PCCA: variants seen among roughly 807,000 people sequenced by gnomAD.
PCCA encodes propionyl-CoA carboxylase subunit alpha.
Under a neutral mutation model 101.3 loss-of-function variants are expected in PCCA, and 74 were observed. That is an observed-to-expected ratio of 0.73 (90% CI 0.61 to 0.89). The LOEUF is 0.89. PCCA is among the 40% of genes least tolerant of loss of function. The pLI, the probability that PCCA is intolerant of heterozygous loss-of-function variation, is 0.00. For synonymous variants in PCCA, 294 were observed against 313.6 expected, an observed-to-expected ratio of 0.94 and a Z score of 0.66; for missense variants, 891 against 907.0, an observed-to-expected ratio of 0.98 and a Z score of 0.23.
chr13:100,415,304 C>T (rs946785182), intron 19 of PCCA, among the ~76,000 whole-genome samples: 6 of 151,948 alleles, frequency 3.9e-5, no homozygotes, highest in Admixed American at 1.3e-4. Context: ...CTACTCAACC[C>T]GCTGATGTGG....
intron 19 of PCCA, among the ~76,000 whole-genome samples, chr13:100,408,001 A>C (rs188188214): frequency 6.6e-6 from 1 of 152,086 alleles, no homozygotes; most frequent in East Asian, 1.9e-4. Context: ...AAATACAAAA[A>C]ATTATCTGGG....
intron 20 of PCCA, among the ~76,000 whole-genome samples, chr13:100,445,837 C>T (rs2080787674): frequency 6.6e-6 from 1 of 152,144 alleles, no homozygotes; most frequent in South Asian, 2.1e-4. Context: ...TAGGCTGATT[C>T]CCTGTCTTGG....
rs1299339277 is a variant in PCCA at position 100,109,111 on chromosome 13, A to G, written c.184-2730A>G. Among the ~76,000 whole-genome samples the G allele has an allele frequency of 1.3e-5, 2 of 152,376 alleles. 1 individual carries two copies. Among genetic ancestry groups the G allele is most frequent in the Admixed American group, 1.3e-4 (2 of 15,308 alleles). ...TCATAACAGTCTGGCATGTAGCCCA[A>G]AGGGGTGAAGAACAGTAGCCATAGC... On this transcript the variant is annotated intron_variant, in intron 2 of 23. Transcript: ENST00000376285.
intron 12 of PCCA, among the ~76,000 whole-genome samples, chr13:100,295,407 A>T (rs2065449706): frequency 6.6e-6 from 1 of 152,266 alleles, no homozygotes; most frequent in South Asian, 2.1e-4. Flanking sequence ...AGTTCTGCTT[A>T]CAAAAGATAG....
chr13:100,248,632 T>C (rs992338295), intron 8 of PCCA, among the ~76,000 whole-genome samples: 2 of 152,234 alleles, frequency 1.3e-5, no homozygotes, highest in Non-Finnish European at 2.9e-5. Flanking sequence ...TTGTTAATTT[T>C]TCAATTGGGT....
At chr13:100,224,091 G>C (rs974199986) in intron 7 of PCCA, among the ~76,000 whole-genome samples, 1 of 152,230 alleles carries the variant, frequency 6.6e-6, no homozygotes, top group African/African-American at 2.4e-5. Context: ...TGGGCACCGT[G>C]GAGCAGGGGG....
chr13:100,202,438 A>G (rs1336696687), intron 6 of PCCA, among the ~76,000 whole-genome samples: 1 of 150,370 alleles, frequency 6.7e-6, no homozygotes, highest in Non-Finnish European at 1.5e-5. Flanking sequence ...TTGCTGTCAA[A>G]GTCTGATGAT....
At chr13:100,232,454 C>T (rs1179038521) in intron 7 of PCCA, among the ~76,000 whole-genome samples, 2 of 151,590 alleles carry the variant, frequency 1.3e-5, no homozygotes, top group Admixed American at 6.6e-5. Flanking sequence ...CATCATGGCT[C>T]ACTGCAGCTC....
chr13:100,117,616 C>T (rs57756661), intron 4 of PCCA, among the ~76,000 whole-genome samples: 61,614 of 151,234 alleles, frequency 0.41, 13,874 homozygotes, highest in Middle Eastern at 0.58. Context: ...CACACTGTGT[C>T]CTGTTGTGGG....
intron 21 of PCCA, among the ~76,000 whole-genome samples, chr13:100,500,685 C>T (rs568624064): frequency 1.3e-5 from 2 of 152,236 alleles, no homozygotes; most frequent in Non-Finnish European, 2.9e-5. Context: ...TTAACGAGTT[C>T]CTTTCCTAAT....
intron 16 of PCCA, among the ~76,000 whole-genome samples, chr13:100,320,494 G>A (rs192512804): frequency 6.5e-4 from 99 of 152,256 alleles, no homozygotes; most frequent in African/African-American, 2.2e-3. Context: ...TTTGAGATAC[G>A]TCCCATCAAT....
chr13:100,107,438 C>T (rs1253963511), intron 2 of PCCA, among the ~76,000 whole-genome samples: 2 of 152,112 alleles, frequency 1.3e-5, no homozygotes, highest in South Asian at 2.1e-4. Flanking sequence ...CCTACAGTCC[C>T]TGCGCTCTGG....
intron 18 of PCCA, among the ~76,000 whole-genome samples, chr13:100,345,801 G>A (rs1372001293): frequency 6.6e-6 from 1 of 152,116 alleles, no homozygotes; most frequent in Admixed American, 6.5e-5. Context: ...TGCAACTGAT[G>A]ACTTGAAGTA....
rs146042732 is a variant in PCCA, at chr13:100,092,184, G to A, written c.105+2959G>A. Among the ~76,000 whole-genome samples, 70 of 152,132 alleles carry A rather than the reference G, an allele frequency of 4.6e-4. No individual in the cohort carries two copies. In the East Asian group the frequency reaches 0.013, roughly 29 times the overall value. ...ACTGCCTTGGCCTCCCAAAGTGCTT[G>A]GAATTACAGGCATGAGCCACCGAGC... is the stretch of plus-strand genomic sequence containing the variant. On this transcript the variant is annotated intron_variant, in intron 1 of 23. Coordinates refer to ENST00000376285, the MANE Select transcript of PCCA (RefSeq NM_000282.4).
intron 8 of PCCA, among the ~76,000 whole-genome samples, chr13:100,249,140 G>A (rs1288841142): frequency 6.6e-6 from 1 of 152,078 alleles, no homozygotes; most frequent in Non-Finnish European, 1.5e-5. Flanking sequence ...AATGGTTTGT[G>A]CTTTTGGTGT....
At chr13:100,370,260 T>C (rs960280553) in intron 19 of PCCA, among the ~76,000 whole-genome samples, 2 of 151,754 alleles carry the variant, frequency 1.3e-5, no homozygotes, top group African/African-American at 4.8e-5. Context: ...AATTTTTGTA[T>C]TTTTAGTAGA....
intron 16 of PCCA, among the ~76,000 whole-genome samples, chr13:100,315,174 T>C (rs2067233251): frequency 6.6e-6 from 1 of 152,172 alleles, no homozygotes; most frequent in Non-Finnish European, 1.5e-5. Context: ...CCTCCATATA[T>C]AGTAATTCTG....
At chr13:100,346,670 C>T (rs2072275044) in intron 18 of PCCA, among the ~76,000 whole-genome samples, 1 of 152,176 alleles carries the variant, frequency 6.6e-6, no homozygotes, top group South Asian at 2.1e-4. Context: ...TGGTATCAAA[C>T]AGCATCACAT....
At chr13:100,457,483 G>A (rs951339691) in intron 21 of PCCA, among the ~76,000 whole-genome samples, 5 of 152,156 alleles carry the variant, frequency 3.3e-5, no homozygotes, top group Non-Finnish European at 7.3e-5. Context: ...CAGCAGCAGT[G>A]GTCAGGATAC....
Sources: gnomAD v4.1 joint callset for allele counts (sites outside exome capture counted in the v4.1 genomes callset) on GRCh38, gnomAD v4.1.1 for gene constraint, MANE v1.5 for transcripts, NCBI Gene and HGNC (gene_info 2026-07-23, HGNC 2026-07-21) for gene names.